Variants in SLC18B1 observed in about 807,000 individuals in gnomAD.
The protein encoded by SLC18B1 is MFS-type transporter SLC18B1.
In SLC18B1, 62 loss-of-function variants were observed where a neutral mutation model predicts 53.9. The ratio of observed to expected loss-of-function variants is 1.15; its 90% CI spans 0.94 to 1.42. The LOEUF is 1.42. SLC18B1 is among the 40% of genes most tolerant of loss of function. The probability of loss-of-function intolerance (pLI) is 0.00; values close to 1 mark genes in which losing one functional copy is unlikely to be tolerated. For synonymous variants in SLC18B1, 217 were observed against 200.9 expected, an observed-to-expected ratio of 1.08 and a Z score of -0.68; for missense variants, 598 against 547.3, an observed-to-expected ratio of 1.09 and a Z score of -0.93.
At chr6:132,776,481 A>ACTGTAAAAGAAATCCTATATTAAAGTT in intron 7 of SLC18B1, 52 bp from the exon 8 acceptor site, 1 of 1,323,188 alleles carries the variant, frequency 7.6e-7, no homozygotes, top group African/African-American at 1.5e-5. Flanking sequence ...TTTTTAAGTA[A>ACTGTAAAAGAAATCCTATATTAAAGTT]ACATCCCTCT....
chr6:132,777,745 CA>C (rs1317651128), intron 7 of SLC18B1, among the ~76,000 whole-genome samples: 1 of 152,140 alleles, frequency 6.6e-6, no homozygotes, highest in Non-Finnish European at 1.5e-5. Context: ...AAAAGATAAA[CA>C]CAAACAACTT....
At chr6:132,775,243 G>A (rs1159042046) in intron 8 of SLC18B1, among the ~76,000 whole-genome samples, 2 of 152,182 alleles carry the variant, frequency 1.3e-5, no homozygotes, top group Non-Finnish European at 2.9e-5. Context: ...CATCAAATCT[G>A]CCAGTGCCTT....
intron 2 of SLC18B1, among the ~76,000 whole-genome samples, chr6:132,792,284 G>GAAAGAGAAAGA (rs1461079612): frequency 2.6e-5 from 1 of 37,780 alleles, no homozygotes; most frequent in Non-Finnish European, 4.7e-5. Flanking sequence ...AGAAAGAAAG[G>GAAAGAGAAAGA]AAGAAAGGAA....
At position 132,787,579 on chromosome 6, in the gene SLC18B1, A is replaced by G. The variant is rs1781410028; in HGVS notation, c.356T>C (p.Val119Ala). 6.4e-7 allele frequency: 1 copy of G among 1,566,650 alleles called. No individual in the cohort carries two copies. ...TGGCCCATCTGGAACTCGGTCCAATACACTAAAAAGGAATAAGACAATTCT... is the reference window on the plus strand; with the variant it reads ...TGGCCCATCTGGAACTCGGTCCAATGCACTAAAAAGGAATAAGACAATTCT... Reference protein sequence around the residue: ...VSGGVTILFGVLDRVPDGPVF... With the variant: ...VSGGVTILFGALDRVPDGPVF... The change falls in exon 5 of 14, where the codon GTA (valine) becomes GCA (alanine). Residue 119 changes from valine to alanine, a missense_variant and splice_region_variant. Val to Ala is a moderately conservative substitution (Grantham distance 64). Transcript: ENST00000275227.
Position 132,771,382 on chromosome 6 carries a change from A to G in SLC18B1, c.1161-253T>C, listed in dbSNP as rs368768443. Among the ~76,000 whole-genome samples the G allele has an allele frequency of 2.4e-4, 36 of 152,346 alleles. No individual in the cohort carries two copies. The South Asian group carries it at 7.0e-3, about 30-fold the overall frequency. On this transcript the variant is annotated intron_variant, in intron 11 of 13. Transcript: ENST00000275227. Reference sequence around the variant, plus strand: ...GATGGCTTATATAAAAATAAAAAATATGAAACAGATTTAAAAAATTCTTTA... The same window carrying G: ...GATGGCTTATATAAAAATAAAAAATGTGAAACAGATTTAAAAAATTCTTTA...
chr6:132,786,836 T>C (rs1208906573), intron 5 of SLC18B1, among the ~76,000 whole-genome samples: 2 of 152,054 alleles, frequency 1.3e-5, no homozygotes, highest in Non-Finnish European at 2.9e-5. Flanking sequence ...GGGATGAGAA[T>C]CTGATATGTC....
rs531385532 is a variant in SLC18B1, at chr6:132,770,660, C to T, written c.1304+230G>A. ...CTGAGGCAGGAAAACCGCTTGAACC[C>T]GGGGGGCAGAAGTTGCAGTGAGCTG... On this transcript the variant is annotated intron_variant, in intron 13 of 13. Transcript: ENST00000275227. 3.3e-5 allele frequency among the ~76,000 whole-genome samples: 5 copies of T among 152,134 alleles called. No individual in the cohort carries two copies. In the South Asian group the frequency reaches 8.3e-4, roughly 25 times the overall value.
intron 8 of SLC18B1, 117 bp from the exon 9 acceptor site, chr6:132,774,430 T>A: frequency 2.9e-6 from 2 of 687,986 alleles, no homozygotes; most frequent in South Asian, 2.4e-5. Context: ...CCAAATACAA[T>A]GAAGAAAACA....
Position 132,776,332 on chromosome 6 carries a change from C to A in SLC18B1, c.893G>T (p.Arg298Met). The A allele has an allele frequency of 6.2e-7, 1 of 1,611,140 alleles. No individual in the cohort carries two copies. The highest frequency in any genetic ancestry group is 1.1e-5 in the South Asian group (1 of 90,628). Residue 298 changes from arginine to methionine, a missense_variant, in exon 8 of 14, where the codon AGG becomes ATG. Transcript: ENST00000275227. ...SPLFGLLSDK[R>M]PPLRKWLLVF... ...ATATAAATTAAGTGTACGTACTGGC[C>A]TTTTATCACTTAGGAGACCAAATAG... is the stretch of plus-strand genomic sequence containing the variant.
chr6:132,775,795 C>T (rs1478885774), intron 8 of SLC18B1, among the ~76,000 whole-genome samples: 4 of 152,200 alleles, frequency 2.6e-5, no homozygotes, highest in Admixed American at 6.5e-5. Flanking sequence ...TAAATTACCT[C>T]CTCCTAAAGA....
At chr6:132,781,554 C>T (rs1401080743) in intron 6 of SLC18B1, among the ~76,000 whole-genome samples, 3 of 151,996 alleles carry the variant, frequency 2.0e-5, no homozygotes, top group African/African-American at 4.8e-5. Flanking sequence ...GGTAGGAGTT[C>T]GAGACCAGCC....
At chr6:132,792,574 G>T (rs1781578725) in intron 2 of SLC18B1, among the ~76,000 whole-genome samples, 1 of 151,996 alleles carries the variant, frequency 6.6e-6, no homozygotes, top group Non-Finnish European at 1.5e-5. Flanking sequence ...GTTTTACATG[G>T]TATCTAACAA....
At chr6:132,781,124 A>C (rs1156360496) in intron 6 of SLC18B1, among the ~76,000 whole-genome samples, 1 of 152,232 alleles carries the variant, frequency 6.6e-6, no homozygotes, top group Non-Finnish European at 1.5e-5. Context: ...TGAAAGTAAG[A>C]AGTATTATGT....
chr6:132,775,019 C>T (rs1781065565), intron 8 of SLC18B1, among the ~76,000 whole-genome samples: 1 of 152,052 alleles, frequency 6.6e-6, no homozygotes, highest in Non-Finnish European at 1.5e-5. Flanking sequence ...TGCTTATGTC[C>T]CCCCAAAATT....
intron 2 of SLC18B1, among the ~76,000 whole-genome samples, chr6:132,795,176 A>G (rs1166414266): frequency 6.6e-6 from 1 of 152,188 alleles, no homozygotes; most frequent in African/African-American, 2.4e-5. Context: ...AAAGAAAAAA[A>G]AAAACAGTCT....
At chr6:132,797,735 CA>C (rs1781734956) in intron 1 of SLC18B1, among the ~76,000 whole-genome samples, 1 of 152,222 alleles carries the variant, frequency 6.6e-6, no homozygotes, top group African/African-American at 2.4e-5. Flanking sequence ...TTAATATTTA[CA>C]GCGGTATGCT....
intron 11 of SLC18B1, among the ~76,000 whole-genome samples, chr6:132,771,844 C>A (rs1385767030): frequency 6.6e-6 from 1 of 152,170 alleles, no homozygotes; most frequent in Admixed American, 6.5e-5. Context: ...GTAATCCCAG[C>A]ACTTTGGGAG....
chr6:132,790,117 G>A lies in SLC18B1; in HGVS notation c.279+60C>T, dbSNP rs567957725. On this transcript the variant is annotated intron_variant, in intron 3 of 13. Transcript: ENST00000275227. Reference sequence around the variant, plus strand: ...CAATGCAAATTCTAGACTAGTAAACGAAAATAATCCATCATATAATTTTTA... The same window carrying A: ...CAATGCAAATTCTAGACTAGTAAACAAAAATAATCCATCATATAATTTTTA... 39 of 1,282,162 alleles carry A rather than the reference G, an allele frequency of 3.0e-5. No homozygotes were observed. In the Admixed American group the frequency reaches 4.7e-4, roughly 15 times the overall value. 79.4% of individuals were successfully genotyped at this position (1,282,162 alleles called of 1,614,324 possible). A position where few individuals can be genotyped will look rare whatever the true frequency, so the allele number is the denominator to read the frequency against.
intron 10 of SLC18B1, 108 bp downstream of exon 10, chr6:132,772,885 A>T (rs745455592): frequency 1.4e-6 from 1 of 720,788 alleles, no homozygotes; most frequent in Non-Finnish European, 2.4e-6. Flanking sequence ...AAGATTTAAC[A>T]TTGGGGCAAA....
Sources: gnomAD v4.1 joint callset for allele counts (sites outside exome capture counted in the v4.1 genomes callset) on GRCh38, gnomAD v4.1.1 for gene constraint, MANE v1.5 for transcripts, NCBI Gene and HGNC (gene_info 2026-07-23, HGNC 2026-07-21) for gene names.